The following DDX10 variants were observed in gnomAD, a reference collection of about 807,000 sequenced individuals.
The protein encoded by DDX10 is DEAD-box helicase 10.
DDX10 carries 74 observed loss-of-function variants against 104.3 expected under a neutral mutation model. The ratio of observed to expected loss-of-function variants is 0.71; its 90% CI spans 0.59 to 0.86. The LOEUF is 0.86. DDX10 is among the 40% of genes least tolerant of loss of function. DDX10 has a pLI of 0.00. For missense variants in DDX10, 952 were observed against 1,040.0 expected, an observed-to-expected ratio of 0.92 and a Z score of 1.16; for synonymous variants, 351 against 353.4, an observed-to-expected ratio of 0.99 and a Z score of 0.08.
intron 13 of DDX10, among the ~76,000 whole-genome samples, chr11:108,765,786 T>C (rs2094355736): frequency 6.6e-6 from 1 of 152,220 alleles, no homozygotes. Flanking sequence ...ATCATTTAGT[T>C]CCTCACTGTG....
At chr11:108,826,994 G>A (rs1454576539) in intron 13 of DDX10, among the ~76,000 whole-genome samples, 1 of 152,206 alleles carries the variant, frequency 6.6e-6, no homozygotes, top group Non-Finnish European at 1.5e-5. Context: ...AAGGCAGTTT[G>A]AGCAGAAATG....
intron 15 of DDX10, among the ~76,000 whole-genome samples, chr11:108,843,676 A>C (rs1286144495): frequency 2.6e-5 from 4 of 151,888 alleles, no homozygotes; most frequent in Non-Finnish European, 4.4e-5. Flanking sequence ...GAATTGCTTG[A>C]ACCTGGGAGG....
chr11:108,915,005 A>G (rs1435095299), intron 16 of DDX10, among the ~76,000 whole-genome samples: 2 of 152,158 alleles, frequency 1.3e-5, no homozygotes, highest in African/African-American at 4.8e-5. Context: ...AAAATGAAGA[A>G]AAAGGAACAG....
chr11:108,702,055 GGACACAT>G (rs571378174), intron 9 of DDX10, among the ~76,000 whole-genome samples: 23 of 151,720 alleles, frequency 1.5e-4, no homozygotes, highest in Admixed American at 6.6e-4. Context: ...CATGTTTTAG[GGACACAT>G]GACACATGAC....
intron 13 of DDX10, among the ~76,000 whole-genome samples, chr11:108,814,478 G>A (rs1319466828): frequency 6.6e-6 from 1 of 152,142 alleles, no homozygotes; most frequent in Non-Finnish European, 1.5e-5. Context: ...ATCTCCAGCA[G>A]TTTTGGATGA....
chr11:108,877,764 G>A (rs1591106994), intron 16 of DDX10, among the ~76,000 whole-genome samples: 1 of 152,204 alleles, frequency 6.6e-6, no homozygotes, highest in Non-Finnish European at 1.5e-5. Context: ...CTGGCTTGGA[G>A]AATTTTGTCT....
At chr11:108,738,038 A>G (rs977375821) in intron 13 of DDX10, among the ~76,000 whole-genome samples, 1 of 152,070 alleles carries the variant, frequency 6.6e-6, no homozygotes, top group East Asian at 1.9e-4. Flanking sequence ...ATGGTTGCAT[A>G]TTCCAAAAAC....
chr11:108,882,396 A>T (rs1863239094), intron 16 of DDX10, among the ~76,000 whole-genome samples: 1 of 152,160 alleles, frequency 6.6e-6, no homozygotes, highest in South Asian at 2.1e-4. Context: ...CTTTAATTCC[A>T]CATCTGTCTC....
chr11:108,871,340 G>C (rs1011526963), intron 16 of DDX10, among the ~76,000 whole-genome samples: 2 of 152,154 alleles, frequency 1.3e-5, no homozygotes, highest in African/African-American at 2.4e-5. Flanking sequence ...GATGCCTTCA[G>C]CTTCTATGGG....
intron 13 of DDX10, among the ~76,000 whole-genome samples, chr11:108,783,585 G>C (rs1861742811): frequency 6.6e-6 from 1 of 152,144 alleles, no homozygotes; most frequent in Non-Finnish European, 1.5e-5. Context: ...AGAGAGTAGG[G>C]TTCAGGAGGA....
In DDX10 at chr11:108,840,389, A is replaced by G. The variant is rs542896642; in HGVS notation, c.2086-926A>G. Reference sequence around the variant, plus strand: ...TTTCAAAACAATGGTAGTTATTTAAATCTTTCTGGCAACTAATTATTAGAT... The same window carrying G: ...TTTCAAAACAATGGTAGTTATTTAAGTCTTTCTGGCAACTAATTATTAGAT... On this transcript the variant is annotated intron_variant, in intron 14 of 17. Coordinates refer to ENST00000322536, the MANE Select transcript of DDX10 (RefSeq NM_004398.4). 2.6e-5 allele frequency among the ~76,000 whole-genome samples: 4 copies of G among 151,898 alleles called. No homozygotes were observed. The East Asian group carries it at 5.8e-4, about 22-fold the overall frequency.
chr11:108,703,950 G>T (rs575887850), intron 9 of DDX10, among the ~76,000 whole-genome samples: 1 of 152,054 alleles, frequency 6.6e-6, no homozygotes, highest in South Asian at 2.1e-4. Flanking sequence ...TTTGACTTTG[G>T]GCATTTTCCA....
chr11:108,666,677 G>A (rs184712402), intron 1 of DDX10, among the ~76,000 whole-genome samples: 126 of 152,252 alleles, frequency 8.3e-4, no homozygotes, highest in Non-Finnish European at 1.5e-3. Context: ...TTGGCCTGTG[G>A]CTGCATAACT....
intron 15 of DDX10, among the ~76,000 whole-genome samples, chr11:108,845,744 G>T (rs1056198284): frequency 3.3e-5 from 5 of 151,884 alleles, no homozygotes; most frequent in Non-Finnish European, 4.4e-5. Flanking sequence ...AAAAGATTTT[G>T]TAAGCCTTGG....
chr11:108,896,269 C>T (rs1185371260), intron 16 of DDX10, among the ~76,000 whole-genome samples: 3 of 152,076 alleles, frequency 2.0e-5, no homozygotes, highest in African/African-American at 7.2e-5. Context: ...AACAAGCATG[C>T]TTGTGAATCC....
At chr11:108,841,602 C>T (rs1862639771) in intron 15 of DDX10, 126 bp downstream of exon 15, 1 of 888,396 alleles carries the variant, frequency 1.1e-6, no homozygotes, top group East Asian at 2.7e-5. Context: ...ACTTCTTTTT[C>T]TGTGGCTACT....
At chr11:108,923,145 T>C (rs1330992767) in intron 17 of DDX10, among the ~76,000 whole-genome samples, 1 of 152,222 alleles carries the variant, frequency 6.6e-6, no homozygotes, top group Non-Finnish European at 1.5e-5. Context: ...GTTGTTATCA[T>C]TGGAGACACA....
intron 13 of DDX10, among the ~76,000 whole-genome samples, chr11:108,832,768 C>G (rs1232565897): frequency 6.6e-6 from 1 of 152,204 alleles, no homozygotes; most frequent in Non-Finnish European, 1.5e-5. Flanking sequence ...ACTATACATA[C>G]TCTTTGAGCA....
chr11:108,714,386 C>T (rs2094288610), intron 10 of DDX10, among the ~76,000 whole-genome samples: 1 of 152,086 alleles, frequency 6.6e-6, no homozygotes, highest in Non-Finnish European at 1.5e-5. Flanking sequence ...TGTGGTTTGT[C>T]CTGTGTTGTC....
Sources: allele counts gnomAD v4.1 joint callset (sites outside exome capture counted in the v4.1 genomes callset), GRCh38; gene constraint gnomAD v4.1.1; transcripts MANE v1.5; gene names NCBI Gene and HGNC (gene_info 2026-07-23, HGNC 2026-07-21).